The following CDH7 variants were observed in gnomAD, a reference collection of about 807,000 sequenced individuals.
CDH7 encodes cadherin 7, also known as cadherin-7.
A neutral mutation model predicts 71.8 loss-of-function variants in CDH7; 25 were observed. The observed-to-expected ratio is 0.35, with a 90% CI of 0.25 to 0.49. The LOEUF (loss-of-function observed/expected upper bound fraction) is 0.49. CDH7 is among the 20% of genes least tolerant of loss of function. The pLI, the probability that CDH7 is intolerant of heterozygous loss-of-function variation, is 0.99. For synonymous variants in CDH7, 381 were observed against 363.8 expected, an observed-to-expected ratio of 1.05 and a Z score of -0.54; for missense variants, 862 against 974.6, an observed-to-expected ratio of 0.88 and a Z score of 1.54.
chr18:65,863,029 G>C, intron 11 of CDH7, 112 bp downstream of exon 11: 1 of 1,225,182 alleles, frequency 8.2e-7, no homozygotes, highest in Non-Finnish European at 1.2e-6. Context: ...TCTACTGGAT[G>C]GTGTTTGTTT....
chr18:65,805,372 AC>A (rs1257844415), intron 2 of CDH7, among the ~76,000 whole-genome samples: 4 of 152,168 alleles, frequency 2.6e-5, no homozygotes, highest in African/African-American at 9.7e-5. Context: ...GCATGCTTGG[AC>A]CATAGACTAC....
In CDH7 at chr18:65,880,905, T is replaced by C; in HGVS notation, c.*11T>C. 1 of 1,565,634 alleles carries C rather than the reference T, an allele frequency of 6.4e-7. No individual in the cohort carries two copies. The highest frequency in any genetic ancestry group is 8.6e-7 in the Non-Finnish European group (1 of 1,158,570). On this transcript the variant is annotated 3_prime_UTR_variant, in exon 12 of 12. Transcript: ENST00000397968. ...AGTTTGTACTCATAGCCTTGGAACC[T>C]TAATTCGAAATGTACTGAAGAAAAA...
rs1568200061 is a variant in CDH7, at chr18:65,814,607, A to G, written c.625+3A>G. 1.9e-6 allele frequency: 3 copies of G among 1,603,062 alleles called. No individual in the cohort carries two copies. Among genetic ancestry groups the G allele is most frequent in the Non-Finnish European group, 2.6e-6 (3 of 1,175,872 alleles). ...CTTCTCAGTGGAGCCAAAGACAGGT[A>G]AAAATTGAAATGTGACATTCTTGTA... On this transcript the variant is annotated splice_donor_region_variant and intron_variant, in intron 4 of 11. Coordinates refer to ENST00000397968, the MANE Select transcript of CDH7 (RefSeq NM_004361.5).
At chr18:65,873,767 GACTT>G (rs756122677) in intron 11 of CDH7, among the ~76,000 whole-genome samples, 3 of 152,108 alleles carry the variant, frequency 2.0e-5, no homozygotes, top group Non-Finnish European at 2.9e-5. Flanking sequence ...TTTTGGTAAA[GACTT>G]ACTTATCCCT....
intron 1 of CDH7, among the ~76,000 whole-genome samples, chr18:65,753,544 A>G (rs114357292): frequency 4.6e-5 from 7 of 152,176 alleles, no homozygotes; most frequent in Admixed American, 4.6e-4. Flanking sequence ...AAAATAACTA[A>G]CATGCATTAG....
intron 6 of CDH7, among the ~76,000 whole-genome samples, chr18:65,836,984 G>A (rs900538879): frequency 2.6e-5 from 4 of 152,056 alleles, no homozygotes; most frequent in Non-Finnish European, 5.9e-5. Flanking sequence ...CACAGAGCTG[G>A]CAAGACCTCC....
At chr18:65,856,366 A>G (rs1399332825) in intron 7 of CDH7, among the ~76,000 whole-genome samples, 1 of 152,196 alleles carries the variant, frequency 6.6e-6, no homozygotes, top group East Asian at 1.9e-4. Context: ...CTCATAGTAC[A>G]TAAATTGGTA....
chr18:65,880,300 G>A, intron 11 of CDH7, 101 bp from the exon 12 acceptor site: 1 of 1,223,118 alleles, frequency 8.2e-7, no homozygotes. Flanking sequence ...CTCTTTAAAG[G>A]GAAGAAAACC....
At chr18:65,820,142 T>A (rs1911868400) in intron 4 of CDH7, among the ~76,000 whole-genome samples, 1 of 147,258 alleles carries the variant, frequency 6.8e-6, no homozygotes, top group Admixed American at 7.0e-5. Flanking sequence ...ACATGCACAA[T>A]GCTTTTTATG....
intron 1 of CDH7, among the ~76,000 whole-genome samples, chr18:65,758,700 G>T (rs887339423): frequency 1.3e-5 from 2 of 152,318 alleles, no homozygotes; most frequent in South Asian, 2.1e-4. Context: ...ATACTGCAGA[G>T]AAATATAATG....
Position 65,766,885 on chromosome 18 carries a change from TAAAAAAA to T in CDH7, c.210+3864_210+3870del, listed in dbSNP as rs61611288. Reference sequence around the variant, plus strand: ...CTTAACGTCCTGTAACTGTCTGACGTAAAAAAAAAAAAAAAAAAAAAAAAAAAAAAAA... The same window carrying T: ...CTTAACGTCCTGTAACTGTCTGACGTAAAAAAAAAAAAAAAAAAAAAAAAA... On this transcript the variant is annotated intron_variant, in intron 2 of 11. Coordinates refer to ENST00000397968, the MANE Select transcript of CDH7 (RefSeq NM_004361.5). 5.5e-3 allele frequency among the ~76,000 whole-genome samples: 489 copies of T among 88,582 alleles called. 5 individuals carry two copies. The highest frequency in any genetic ancestry group is 0.014 in the African/African-American group (457 of 31,804). The allele number at this position is 88,582 out of a possible 152,430, so 58.1% of individuals were successfully genotyped here.
chr18:65,819,549 T>C (rs1568202384), intron 4 of CDH7, among the ~76,000 whole-genome samples: 1 of 152,158 alleles, frequency 6.6e-6, no homozygotes, highest in Non-Finnish European at 1.5e-5. Context: ...CCAGTATCTT[T>C]AATGTCTCAT....
In CDH7 at chr18:65,882,156, A is replaced by T. The variant is rs1261752484; in HGVS notation, c.*1262A>T. ...AAATCCATCTTTAAATTCTGATGCA[A>T]ATATGTCCCTCAAGAATTAACCAAG... On this transcript the variant is annotated 3_prime_UTR_variant, in exon 12 of 12. Transcript: ENST00000397968. 1.3e-5 allele frequency: 2 copies of T among 152,154 alleles called. No homozygotes were observed. Among genetic ancestry groups the T allele is most frequent in the South Asian group, 2.1e-4 (1 of 4,828 alleles). 9.4% of individuals were successfully genotyped at this position (152,154 alleles called of 1,614,324 possible). A position where few individuals can be genotyped will look rare whatever the true frequency, so the allele number is the denominator to read the frequency against.
chr18:65,888,882 G>C lies in CDH7; in HGVS notation c.*7988G>C, dbSNP rs968723108. 6.6e-6 allele frequency: 1 copy of C among 152,130 alleles called. No individual in the cohort carries two copies. The highest frequency in any genetic ancestry group is 1.5e-5 in the Non-Finnish European group (1 of 67,996). 9.4% of individuals were successfully genotyped at this position (152,130 alleles called of 1,614,324 possible). On this transcript the variant is annotated 3_prime_UTR_variant, in exon 12 of 12. Transcript: ENST00000397968. ...GTCAATAAATGATGGTTTGGTTTAA[G>C]AGGATAAGAAGATAGCTGAAACTCT...
chr18:65,802,271 T>C (rs868512617), intron 2 of CDH7, among the ~76,000 whole-genome samples: 27 of 152,216 alleles, frequency 1.8e-4, no homozygotes, highest in Non-Finnish European at 3.4e-4. Flanking sequence ...CACTGGATGC[T>C]AGTTTTGTAA....
intron 2 of CDH7, among the ~76,000 whole-genome samples, chr18:65,766,758 C>T (rs1916381768): frequency 1.3e-5 from 2 of 151,736 alleles, no homozygotes; most frequent in South Asian, 2.1e-4. Flanking sequence ...TCACCCCTCC[C>T]GTGGCTATTC....
chr18:65,882,446 G>C lies in CDH7; in HGVS notation c.*1552G>C, dbSNP rs965571080. On this transcript the variant is annotated 3_prime_UTR_variant, in exon 12 of 12. Coordinates refer to ENST00000397968, the MANE Select transcript of CDH7 (RefSeq NM_004361.5). Reference sequence around the variant, plus strand: ...TACATTTACAGATAGTAAACACTGTGTAGAGAATCATGTTCTAAAAGTGCT... The same window carrying C: ...TACATTTACAGATAGTAAACACTGTCTAGAGAATCATGTTCTAAAAGTGCT... 1.3e-5 allele frequency: 2 copies of C among 152,072 alleles called. No individual in the cohort carries two copies. The highest frequency in any genetic ancestry group is 2.4e-5 in the African/African-American group (1 of 41,426). The allele number at this position is 152,072 out of a possible 1,614,324, so 9.4% of individuals were successfully genotyped here.
chr18:65,834,740 A>G (rs1040963112), intron 6 of CDH7, among the ~76,000 whole-genome samples: 1 of 152,208 alleles, frequency 6.6e-6, no homozygotes, highest in Non-Finnish European at 1.5e-5. Flanking sequence ...GCTCTTGCTG[A>G]GTTCAAAGAA....
At chr18:65,842,382 T>TTA (rs142334874) in intron 6 of CDH7, among the ~76,000 whole-genome samples, 7,851 of 151,406 alleles carry the variant, frequency 0.052, 655 homozygotes, top group African/African-American at 0.18. Flanking sequence ...GTATATTGAT[T>TTA]TATATATATA....
Sources: gnomAD v4.1 joint callset for allele counts (sites outside exome capture counted in the v4.1 genomes callset) on GRCh38, gnomAD v4.1.1 for gene constraint, MANE v1.5 for transcripts, NCBI Gene and HGNC (gene_info 2026-07-23, HGNC 2026-07-21) for gene names.